The following DSCAM variants were observed in gnomAD, a reference collection of about 807,000 sequenced individuals.
DSCAM encodes cell adhesion molecule DSCAM.
A neutral mutation model predicts 217.7 loss-of-function variants in DSCAM; 47 were observed. The observed-to-expected ratio is 0.22, with a 90% CI of 0.17 to 0.28. DSCAM has a LOEUF of 0.28. Among genes scored for constraint, DSCAM ranks in the 10% least tolerant of loss-of-function variants. The pLI, the probability that DSCAM is intolerant of heterozygous loss-of-function variation, is 1.00. For missense variants in DSCAM, 2,080 were observed against 2,618.3 expected (o/e 0.79, Z 4.49); for synonymous variants, 1,056 against 1,015.3 (o/e 1.04, Z -0.76).
In DSCAM at chr21:40,809,501, G is replaced by A. The variant is rs563751776; in HGVS notation, c.43+37118C>T. Among the ~76,000 whole-genome samples, 10 of 152,234 alleles carry A rather than the reference G, an allele frequency of 6.6e-5. No individual in the cohort carries two copies. In the South Asian group the frequency reaches 1.2e-3, roughly 19 times the overall value. On this transcript the variant is annotated intron_variant, in intron 1 of 32. Transcript: ENST00000400454. ...TACAGTTAAAATAAGTGAATCCTAC[G>A]TTATGTAAATTATCGCTCAATAAAG...
intron 30 of DSCAM, among the ~76,000 whole-genome samples, chr21:40,051,123 C>T (rs1225521234): frequency 6.6e-6 from 1 of 152,086 alleles, no homozygotes; most frequent in East Asian, 1.9e-4. Context: ...CTAATAATAA[C>T]ACACTATTCT....
At chr21:40,680,262 A>G (rs923480577) in intron 3 of DSCAM, among the ~76,000 whole-genome samples, 1 of 152,174 alleles carries the variant, frequency 6.6e-6, no homozygotes, top group Non-Finnish European at 1.5e-5. Flanking sequence ...CACTATCTAC[A>G]GGCTCTATAG....
At chr21:40,590,946 G>A (rs1254076922) in intron 3 of DSCAM, among the ~76,000 whole-genome samples, 1 of 149,216 alleles carries the variant, frequency 6.7e-6, no homozygotes, top group African/African-American at 2.4e-5. Flanking sequence ...GATATGGTTT[G>A]GCCGTGTCCC....
In DSCAM at chr21:40,567,436, T is replaced by C. The variant is rs555754955; in HGVS notation, c.508+125374A>G. ...CGCATCTCCTCTCCACACCAAATAA[T>C]AACAATTTGCTCTAGAAGACAATGG... On this transcript the variant is annotated intron_variant, in intron 3 of 32. Coordinates refer to ENST00000400454, the MANE Select transcript of DSCAM (RefSeq NM_001389.5). 2.0e-5 allele frequency among the ~76,000 whole-genome samples: 3 copies of C among 152,312 alleles called. No homozygotes were observed. In the South Asian group the frequency reaches 6.2e-4, roughly 32 times the overall value.
intron 3 of DSCAM, among the ~76,000 whole-genome samples, chr21:40,435,080 G>T (rs568574179): frequency 6.6e-6 from 1 of 152,326 alleles, no homozygotes; most frequent in East Asian, 1.9e-4. Flanking sequence ...GTAGGGAGCG[G>T]ACAAGATCTC....
At chr21:40,383,431 T>C (rs2075047820) in intron 3 of DSCAM, 1 of 152,246 alleles carries the variant, frequency 6.6e-6, no homozygotes, top group Non-Finnish European at 1.5e-5. Flanking sequence ...TAAGACGCTA[T>C]AGAGAAATGA....
At chr21:40,126,742 T>C (rs1282827889) in intron 19 of DSCAM, among the ~76,000 whole-genome samples, 1 of 152,232 alleles carries the variant, frequency 6.6e-6, no homozygotes, top group Non-Finnish European at 1.5e-5. Flanking sequence ...TCACAGCCGA[T>C]CAAGGGACTT....
At chr21:40,084,686 G>C (rs1352295201) in intron 23 of DSCAM, among the ~76,000 whole-genome samples, 1 of 151,890 alleles carries the variant, frequency 6.6e-6, no homozygotes, top group Non-Finnish European at 1.5e-5. Context: ...TTCAGAATCA[G>C]GTTATCCAAA....
intron 3 of DSCAM, among the ~76,000 whole-genome samples, chr21:40,468,399 C>T (rs770310476): frequency 5.3e-5 from 8 of 151,958 alleles, no homozygotes; most frequent in South Asian, 2.1e-4. Flanking sequence ...AGAGAAGGAG[C>T]GAGAAGAGAA....
At chr21:40,706,948 T>C (rs1171894301) in intron 2 of DSCAM, among the ~76,000 whole-genome samples, 1 of 152,134 alleles carries the variant, frequency 6.6e-6, no homozygotes, top group Admixed American at 6.5e-5. Context: ...AGCACATAAA[T>C]AGTAAAAGCA....
chr21:40,017,042 C>A (rs866657501), intron 32 of DSCAM, among the ~76,000 whole-genome samples: 9 of 149,940 alleles, frequency 6.0e-5, no homozygotes, highest in African/African-American at 2.0e-4. Context: ...TTTGAACCTG[C>A]GCATTGGAGG....
rs536902127 is a variant in DSCAM, at chr21:40,145,970, ATACATGTGTATGTATGTAT to A, written c.3019-1258_3019-1240del. On this transcript the variant is annotated intron_variant, in intron 16 of 32. Coordinates refer to ENST00000400454, the MANE Select transcript of DSCAM (RefSeq NM_001389.5). ...TATGCGTGTATGTATACATACACACATACATGTGTATGTATGTATACATGTACATATGTATGTATATACA... is the reference window on the plus strand; with the variant it reads ...TATGCGTGTATGTATACATACACACAACATGTACATATGTATGTATATACA... Among the ~76,000 whole-genome samples, 61 of 70,296 alleles carry A rather than the reference ATACATGTGTATGTATGTAT, an allele frequency of 8.7e-4. No homozygotes were observed. In the East Asian group the frequency reaches 0.023, roughly 27 times the overall value. 46.1% of individuals were successfully genotyped at this position (70,296 alleles called of 152,430 possible). A position where few individuals can be genotyped will look rare whatever the true frequency, so the allele number is the denominator to read the frequency against.
chr21:40,380,633 C>T (rs893819565), intron 3 of DSCAM, among the ~76,000 whole-genome samples: 3 of 152,080 alleles, frequency 2.0e-5, no homozygotes, highest in Non-Finnish European at 2.9e-5. Flanking sequence ...TGCACTTCAG[C>T]AGAGCCACAG....
chr21:40,547,534 A>C (rs1199315010), intron 3 of DSCAM, among the ~76,000 whole-genome samples: 2 of 152,208 alleles, frequency 1.3e-5, no homozygotes, highest in African/African-American at 4.8e-5. Flanking sequence ...GGTTTGCATA[A>C]TTAATGGAGC....
intron 3 of DSCAM, among the ~76,000 whole-genome samples, chr21:40,579,443 C>T (rs1452574148): frequency 6.6e-6 from 1 of 152,052 alleles, no homozygotes; most frequent in Non-Finnish European, 1.5e-5. Flanking sequence ...ATTCCAATGT[C>T]TCTTTAATAG....
At chr21:40,761,586 T>G (rs1450371539) in intron 1 of DSCAM, among the ~76,000 whole-genome samples, 2 of 152,186 alleles carry the variant, frequency 1.3e-5, no homozygotes, top group African/African-American at 4.8e-5. Context: ...ATCTTGGACT[T>G]GGAGCCTACA....
intron 20 of DSCAM, among the ~76,000 whole-genome samples, chr21:40,099,911 C>G (rs898088872): frequency 1.3e-5 from 2 of 152,168 alleles, no homozygotes; most frequent in Non-Finnish European, 2.9e-5. Flanking sequence ...CTGAAGGACA[C>G]AGAGCTTGGT....
At chr21:40,708,356 T>C (rs1257728084) in intron 2 of DSCAM, 98 bp downstream of exon 2, 6 of 1,058,498 alleles carry the variant, frequency 5.7e-6, no homozygotes, top group East Asian at 2.9e-5. Flanking sequence ...GGGGTTTTCA[T>C]TGGTTCTCTG....
intron 14 of DSCAM, among the ~76,000 whole-genome samples, chr21:40,185,639 T>A (rs750172141): frequency 1.5e-4 from 23 of 152,210 alleles, no homozygotes; most frequent in Non-Finnish European, 3.1e-4. Flanking sequence ...TGAGCTCTCA[T>A]CACTGTCACT....
Sources: gnomAD v4.1 joint callset for allele counts (sites outside exome capture counted in the v4.1 genomes callset) on GRCh38, gnomAD v4.1.1 for gene constraint, MANE v1.5 for transcripts, NCBI Gene and HGNC (gene_info 2026-07-23, HGNC 2026-07-21) for gene names.